USP32: variants seen among roughly 807,000 people sequenced by gnomAD.
The protein encoded by USP32 is ubiquitin carboxyl-terminal hydrolase 32.
In USP32, 59 loss-of-function variants were observed where a neutral mutation model predicts 204.8. That is an observed-to-expected ratio of 0.29 (90% CI 0.23 to 0.36). The LOEUF (loss-of-function observed/expected upper bound fraction) is 0.36, where lower values mean the gene tolerates loss of function less well. Ranked by LOEUF, USP32 falls within the 10% of genes least tolerant of loss-of-function variation. The pLI is 1.00. For missense variants in USP32, 1,160 were observed against 1,946.4 expected (o/e 0.60, Z 7.60); for synonymous variants, 517 against 678.4 (o/e 0.76, Z 3.70).
At chr17:60,237,304 A>AT (rs34988306) in intron 11 of USP32, among the ~76,000 whole-genome samples, 7,863 of 130,994 alleles carry the variant, frequency 0.06, 257 homozygotes, top group Non-Finnish European at 0.072. Context: ...TGCCCAGCTA[A>AT]TTTTTTTTTT....
chr17:60,223,282 G>T (rs1016878263), intron 14 of USP32, 129 bp downstream of exon 14: 1 of 730,086 alleles, frequency 1.4e-6, no homozygotes, highest in African/African-American at 1.8e-5. Flanking sequence ...ACTATACAAA[G>T]AGATGTCCAT....
chr17:60,237,691 C>A (rs1163528091), intron 11 of USP32, among the ~76,000 whole-genome samples: 1 of 152,206 alleles, frequency 6.6e-6, no homozygotes, highest in Non-Finnish European at 1.5e-5. Context: ...CAACATATGA[C>A]CTTTTATGTC....
chr17:60,232,475 AAT>A (rs11369151), intron 12 of USP32, among the ~76,000 whole-genome samples: 5,956 of 136,776 alleles, frequency 0.044, 450 homozygotes, highest in African/African-American at 0.18. Flanking sequence ...ACCTGGCCCA[AAT>A]TTTTTTTTTT....
intron 1 of USP32, among the ~76,000 whole-genome samples, chr17:60,402,043 T>C (rs1228800223): frequency 1.3e-5 from 2 of 152,156 alleles, no homozygotes; most frequent in Non-Finnish European, 2.9e-5. Context: ...TTCTAGTTTT[T>C]GTCTGAGTGA....
At chr17:60,369,236 C>T (rs1378952782) in intron 1 of USP32, among the ~76,000 whole-genome samples, 2 of 137,424 alleles carry the variant, frequency 1.5e-5, no homozygotes, top group South Asian at 2.1e-4. Flanking sequence ...CCTCGTGATC[C>T]GCCCGCCTCG....
At chr17:60,200,699 C>T (rs539441279) in intron 26 of USP32, among the ~76,000 whole-genome samples, 2 of 152,342 alleles carry the variant, frequency 1.3e-5, no homozygotes, top group East Asian at 3.9e-4. Flanking sequence ...TTCTCCCTTC[C>T]TCACAAAGGT....
At chr17:60,284,636 A>T (rs59579959) in intron 5 of USP32, among the ~76,000 whole-genome samples, 3,279 of 152,310 alleles carry the variant, frequency 0.022, 137 homozygotes, top group African/African-American at 0.075. Context: ...AAATTATTTG[A>T]CTGATTAAAT....
intron 1 of USP32, among the ~76,000 whole-genome samples, chr17:60,354,287 T>C (rs2089018992): frequency 1.3e-5 from 2 of 152,204 alleles, no homozygotes; most frequent in Non-Finnish European, 1.5e-5. Flanking sequence ...CTATTCTTCA[T>C]CTCTATTTCT....
intron 2 of USP32, among the ~76,000 whole-genome samples, chr17:60,310,723 C>T (rs2087833364): frequency 6.6e-6 from 1 of 151,098 alleles, no homozygotes; most frequent in South Asian, 2.1e-4. Context: ...CTGTCATTTG[C>T]AGCAACATGT....
At position 60,265,460 on chromosome 17, in the gene USP32, A is replaced by G. The variant is rs761800769; in HGVS notation, c.942T>C (p.Asp314=). Residue 314 remains aspartate, a synonymous_variant, in exon 9 of 34, where the codon GAT becomes GAC. Transcript: ENST00000300896. ...GTATGCCTTCTACAATATCAGAGAG[A>G]TCCATATGTAATTCCTTTAAAAATA... The part of the protein sequence containing the change: ...RTDDIPELHM[D]LSDIVEGILN... 1 of 1,602,070 alleles carries G rather than the reference A, an allele frequency of 6.2e-7. No individual in the cohort carries two copies. The highest frequency in any genetic ancestry group is 2.2e-5 in the East Asian group (1 of 44,682).
chr17:60,263,300 C>T (rs563345288), intron 9 of USP32, among the ~76,000 whole-genome samples: 2 of 152,184 alleles, frequency 1.3e-5, no homozygotes, highest in South Asian at 4.1e-4. Context: ...CTGTATACTA[C>T]AAACTATCCA....
intron 1 of USP32, among the ~76,000 whole-genome samples, chr17:60,358,420 C>T (rs1275831200): frequency 6.6e-6 from 1 of 151,724 alleles, no homozygotes; most frequent in African/African-American, 2.4e-5. Flanking sequence ...ACCAAAAATA[C>T]AAAAATTAGC....
At chr17:60,377,554 AC>A (rs1228176126) in intron 1 of USP32, among the ~76,000 whole-genome samples, 1 of 152,332 alleles carries the variant, frequency 6.6e-6, no homozygotes, top group East Asian at 1.9e-4. Context: ...GGTAGAGACT[AC>A]CTGCTGTCGT....
At chr17:60,325,144 TG>T (rs1433744611) in intron 2 of USP32, among the ~76,000 whole-genome samples, 2 of 152,172 alleles carry the variant, frequency 1.3e-5, no homozygotes, top group African/African-American at 4.8e-5. Flanking sequence ...GCTGCCACGG[TG>T]GCTCACACTT....
intron 5 of USP32, among the ~76,000 whole-genome samples, chr17:60,285,826 A>C (rs1567827711): frequency 1.3e-5 from 2 of 152,144 alleles, no homozygotes; most frequent in Non-Finnish European, 2.9e-5. Context: ...AAGGCATTTT[A>C]GTGATAGAAA....
chr17:60,365,973 C>CTTG (rs911780253), intron 1 of USP32, among the ~76,000 whole-genome samples: 16 of 152,052 alleles, frequency 1.1e-4, no homozygotes, highest in East Asian at 7.7e-4. Context: ...CTCCCTTTTT[C>CTTG]TTGTTGTTGT....
intron 11 of USP32, among the ~76,000 whole-genome samples, chr17:60,238,359 C>G (rs979277033): frequency 6.6e-6 from 1 of 151,980 alleles, no homozygotes; most frequent in African/African-American, 2.4e-5. Flanking sequence ...AAAATAATAT[C>G]TCTTGATGTA....
chr17:60,375,883 C>T (rs2089530636), intron 1 of USP32, among the ~76,000 whole-genome samples: 1 of 152,158 alleles, frequency 6.6e-6, no homozygotes, highest in African/African-American at 2.4e-5. Context: ...GCTCGGATTA[C>T]AGGGGTGAGC....
rs1233292205 is a variant in USP32 at position 60,379,027 on chromosome 17, T to C, written c.58+12855A>G. On this transcript the variant is annotated intron_variant, in intron 1 of 33. Coordinates refer to ENST00000300896, the MANE Select transcript of USP32 (RefSeq NM_032582.4). The stretch of plus-strand genomic sequence containing the variant: ...TGAGTTTGTGAAGATCAGACAAAAA[T>C]TCACATGAACTATTTTGAAAGTCTT... Among the ~76,000 whole-genome samples the C allele has an allele frequency of 2.0e-5, 3 of 152,088 alleles. No individual in the cohort carries two copies. In the South Asian group the frequency reaches 6.2e-4, roughly 32 times the overall value.
Sources: gnomAD v4.1 joint callset for allele counts (sites outside exome capture counted in the v4.1 genomes callset) on GRCh38, gnomAD v4.1.1 for gene constraint, MANE v1.5 for transcripts, NCBI Gene and HGNC (gene_info 2026-07-23, HGNC 2026-07-21) for gene names.